Variants in ARHGAP21 observed in about 807,000 individuals in gnomAD.
ARHGAP21 encodes rho GTPase-activating protein 21.
In ARHGAP21, 38 loss-of-function variants were observed where a neutral mutation model predicts 164.6. The ratio of observed to expected loss-of-function variants is 0.23; its 90% CI spans 0.18 to 0.30. The LOEUF (loss-of-function observed/expected upper bound fraction) is 0.30, where lower values mean the gene tolerates loss of function less well. Ranked by LOEUF, ARHGAP21 falls within the 10% of genes least tolerant of loss-of-function variation. ARHGAP21 has a pLI of 1.00. For missense variants in ARHGAP21, 1,822 were observed against 2,370.7 expected (o/e 0.77, Z 4.81); for synonymous variants, 766 against 857.9 (o/e 0.89, Z 1.87).
At chr10:24,597,711 C>G (rs2076644902) in intron 15 of ARHGAP21, 128 bp from the exon 16 acceptor site, 2 of 1,401,862 alleles carry the variant, frequency 1.4e-6, no homozygotes, top group Admixed American at 4.6e-5. Flanking sequence ...AATTCATAAG[C>G]TTTCAATTTT....
At chr10:24,586,275 AAGTCAAATTTTTATTTAATG>A (rs2076098124) in intron 25 of ARHGAP21, among the ~76,000 whole-genome samples, 169 bp from the exon 26 acceptor site, 1 of 152,096 alleles carries the variant, frequency 6.6e-6, no homozygotes, top group African/African-American at 2.4e-5. Context: ...CCTTGAACCA[AAGTCAAATTTTTATTTAATG>A]AGTCCAATTT....
intron 2 of ARHGAP21, among the ~76,000 whole-genome samples, chr10:24,713,600 C>T (rs1845062192): frequency 1.3e-5 from 2 of 151,188 alleles, no homozygotes; most frequent in South Asian, 2.1e-4. Context: ...TAGAAGAGGA[C>T]TTATAAAACA....
At chr10:24,717,058 ATAAG>A (rs1409404054) in intron 2 of ARHGAP21, among the ~76,000 whole-genome samples, 3 of 152,214 alleles carry the variant, frequency 2.0e-5, no homozygotes, top group Non-Finnish European at 2.9e-5. Context: ...ATAAAGAAAT[ATAAG>A]TGAGTGTGTG....
chr10:24,705,503 A>G (rs1260644098), intron 2 of ARHGAP21, among the ~76,000 whole-genome samples: 3 of 152,230 alleles, frequency 2.0e-5, no homozygotes, highest in Admixed American at 2.0e-4. Context: ...AAAACAGTAC[A>G]TAAAGAAAAG....
At position 24,584,963 on chromosome 10, in the gene ARHGAP21, G is replaced by T. The variant is rs879164995; in HGVS notation, c.5326C>A (p.Pro1776Thr). 6.2e-7 allele frequency: 1 copy of T among 1,613,704 alleles called. No homozygotes were observed. The highest frequency in any genetic ancestry group is 2.2e-5 in the East Asian group (1 of 44,892). Residue 1776 changes from proline (P) to threonine (T), a missense_variant, in exon 26 of 26, where the codon CCT becomes ACT. Physicochemically the swap from Pro to Thr is conservative, Grantham distance 38. This residue lies in a region of ARHGAP21 where 117 missense variants were observed against 193.2 expected (regional missense o/e 0.61). Coordinates refer to ENST00000396432, the MANE Select transcript of ARHGAP21 (RefSeq NM_020824.4). ...ADRLKLRPRA[P>T]ADDMFGVGNH... ...CCTACTCCAAACATGTCATCCGCAG[G>T]GGCTCTGGGTCTCAGTTTTAACCGA...
chr10:24,708,890 G>A (rs1228321254), intron 2 of ARHGAP21, among the ~76,000 whole-genome samples: 1 of 152,122 alleles, frequency 6.6e-6, no homozygotes, highest in Non-Finnish European at 1.5e-5. Context: ...GAATAGTGCT[G>A]CAACAAACAT....
chr10:24,610,854 G>C (rs2077227209), intron 9 of ARHGAP21, among the ~76,000 whole-genome samples: 2 of 152,094 alleles, frequency 1.3e-5, no homozygotes, highest in Admixed American at 1.3e-4. Context: ...ACAGTGGAAA[G>C]AGCGAAACAC....
chr10:24,656,160 G>T (rs1262957029), intron 4 of ARHGAP21, among the ~76,000 whole-genome samples: 1 of 125,948 alleles, frequency 7.9e-6, no homozygotes, highest in Non-Finnish European at 1.7e-5. Context: ...CCGGGAGGGA[G>T]GTGGGGGGGG....
intron 2 of ARHGAP21, among the ~76,000 whole-genome samples, chr10:24,675,772 T>C (rs1841155723): frequency 6.6e-6 from 1 of 152,166 alleles, no homozygotes; most frequent in Admixed American, 6.5e-5. Flanking sequence ...TCCTAAGGGT[T>C]CATTTTATTA....
chr10:24,702,154 G>C (rs1317253594), intron 2 of ARHGAP21, among the ~76,000 whole-genome samples: 2 of 103,378 alleles, frequency 1.9e-5, no homozygotes, highest in East Asian at 6.1e-4. Flanking sequence ...TTTTTGAGAC[G>C]GAGTCTTGCT....
intron 4 of ARHGAP21, among the ~76,000 whole-genome samples, chr10:24,635,815 G>T (rs1287012122): frequency 5.3e-5 from 8 of 152,222 alleles, no homozygotes; most frequent in Admixed American, 5.2e-4. Context: ...AAAGTGCTGG[G>T]ATTACAGGCG....
intron 17 of ARHGAP21, 64 bp downstream of exon 17, chr10:24,596,676 G>T (rs1388760556): frequency 6.2e-7 from 1 of 1,606,202 alleles, no homozygotes; most frequent in African/African-American, 1.3e-5. Context: ...TATATACTCA[G>T]ATCCCATTAT....
chr10:24,664,322 C>T (rs1305768143), intron 4 of ARHGAP21, among the ~76,000 whole-genome samples: 2 of 151,870 alleles, frequency 1.3e-5, no homozygotes, highest in South Asian at 2.1e-4. Context: ...TTTGGGAGGC[C>T]GAGGCAGGCG....
At chr10:24,672,296 A>C (rs1450668875) in intron 2 of ARHGAP21, among the ~76,000 whole-genome samples, 1 of 151,860 alleles carries the variant, frequency 6.6e-6, no homozygotes, top group Non-Finnish European at 1.5e-5. Flanking sequence ...CACAGGCGTC[A>C]CCTCCTCCTT....
At chr10:24,647,060 C>T (rs759369465) in intron 4 of ARHGAP21, among the ~76,000 whole-genome samples, 3 of 152,130 alleles carry the variant, frequency 2.0e-5, no homozygotes, top group Non-Finnish European at 4.4e-5. Flanking sequence ...TCTCTGCAAT[C>T]CTAAATTTCA....
At chr10:24,589,722 T>C (rs908479198) in intron 24 of ARHGAP21, 2 of 166,164 alleles carry the variant, frequency 1.2e-5, no homozygotes, top group Admixed American at 6.4e-5. Context: ...TAGCTACAAT[T>C]GAGACACTCA....
chr10:24,622,031 ATTT>A (rs1834592352), intron 8 of ARHGAP21, among the ~76,000 whole-genome samples: 1 of 152,170 alleles, frequency 6.6e-6, no homozygotes, highest in Admixed American at 6.6e-5. Flanking sequence ...TATAATTTAT[ATTT>A]TTATTTTAAG....
rs182066963 is a variant in ARHGAP21, at chr10:24,689,889, T to C, written c.64-19492A>G. 2.0e-3 allele frequency among the ~76,000 whole-genome samples: 291 copies of C among 143,570 alleles called. 5 individuals are homozygous for C. Among genetic ancestry groups the C allele is most frequent in the African/African-American group, 7.5e-3 (281 of 37,560 alleles). The allele number at this position is 143,570 out of a possible 152,430, so 94.2% of individuals were successfully genotyped here. On this transcript the variant is annotated intron_variant, in intron 2 of 25. Transcript: ENST00000396432. ...GTGTATATATACATGTATATATGTATATGTATGTGTATATATACATGTATA... is the reference window on the plus strand; with the variant it reads ...GTGTATATATACATGTATATATGTACATGTATGTGTATATATACATGTATA...
chr10:24,617,744 T>G (rs1006490689), intron 9 of ARHGAP21, among the ~76,000 whole-genome samples: 4 of 152,030 alleles, frequency 2.6e-5, no homozygotes, highest in African/African-American at 9.7e-5. Flanking sequence ...AATGTTTCCG[T>G]AGAAAAGAAA....
Sources: allele counts gnomAD v4.1 joint callset (sites outside exome capture counted in the v4.1 genomes callset), GRCh38; gene constraint gnomAD v4.1.1; regional missense constraint gnomAD v4.1.1; transcripts MANE v1.5; gene names NCBI Gene and HGNC (gene_info 2026-07-23, HGNC 2026-07-21).